The following TRIP11 variants were observed in gnomAD, a reference collection of about 807,000 sequenced individuals.
The protein encoded by TRIP11 is thyroid receptor-interacting protein 11.
TRIP11 carries 148 observed loss-of-function variants against 223.1 expected under a neutral mutation model. That is an observed-to-expected ratio of 0.66 (90% CI 0.58 to 0.76). The LOEUF (loss-of-function observed/expected upper bound fraction) is 0.76, where lower values mean the gene tolerates loss of function less well. Ranked by LOEUF, TRIP11 falls within the 30% of genes least tolerant of loss-of-function variation. TRIP11 has a pLI of 0.00. For synonymous variants in TRIP11, 762 were observed against 772.6 expected, an observed-to-expected ratio of 0.99 and a Z score of 0.23; for missense variants, 2,043 against 2,222.0, an observed-to-expected ratio of 0.92 and a Z score of 1.62.
chr14:92,028,095 T>C (rs2057212880), intron 2 of TRIP11, among the ~76,000 whole-genome samples: 1 of 152,240 alleles, frequency 6.6e-6, no homozygotes, highest in Non-Finnish European at 1.5e-5. Flanking sequence ...CGATATAATA[T>C]ACTGAAGTCA....
At chr14:92,023,908 T>C (rs2057144836) in intron 3 of TRIP11, among the ~76,000 whole-genome samples, 2 of 151,490 alleles carry the variant, frequency 1.3e-5, no homozygotes, top group South Asian at 4.2e-4. Flanking sequence ...CAGGCTAGAA[T>C]GCAGTGGCGT....
chr14:92,034,224 G>A (rs2057299082), intron 1 of TRIP11, among the ~76,000 whole-genome samples: 5 of 152,154 alleles, frequency 3.3e-5, no homozygotes, highest in Admixed American at 3.3e-4. Context: ...GGGAGTTTGA[G>A]ACCAGCCTGG....
intron 2 of TRIP11, among the ~76,000 whole-genome samples, chr14:92,028,897 A>T (rs989454467): frequency 2.0e-5 from 3 of 152,124 alleles, no homozygotes; most frequent in Non-Finnish European, 2.9e-5. Flanking sequence ...AAATCAACTT[A>T]ATTTCTTTTT....
chr14:92,027,907 C>G (rs2057210617), intron 2 of TRIP11, among the ~76,000 whole-genome samples: 1 of 152,178 alleles, frequency 6.6e-6, no homozygotes, highest in Admixed American at 6.5e-5. Context: ...ACAGCATCCA[C>G]AAATCCTAGT....
At position 92,003,984 on chromosome 14, in the gene TRIP11, C is replaced by G; in HGVS notation, c.3992G>C (p.Arg1331Thr). 1.9e-6 allele frequency: 3 copies of G among 1,614,116 alleles called. No individual in the cohort carries two copies. Among genetic ancestry groups the G allele is most frequent in the Non-Finnish European group, 2.5e-6 (3 of 1,180,012 alleles). Reference protein sequence around the residue: ...LLTPQSAECLRASKSEVLSES... With the variant: ...LLTPQSAECLTASKSEVLSES... ...ACTCAATACTTCAGACTTACTTGCT[C>G]TAAGACACTCTGCAGACTGGGGAGT... is the stretch of plus-strand genomic sequence containing the variant. Residue 1331 changes from arginine to threonine, a missense_variant, in exon 11 of 21, where the codon AGA becomes ACA. Arg to Thr is a moderately conservative substitution (Grantham distance 71, BLOSUM62 -1). Transcript: ENST00000267622.
chr14:92,034,561 C>G (rs1333401329), intron 1 of TRIP11, among the ~76,000 whole-genome samples: 1 of 152,160 alleles, frequency 6.6e-6, no homozygotes, highest in Admixed American at 6.6e-5. Flanking sequence ...AAGAAAAATA[C>G]ACTGAGAACA....
At chr14:92,024,186 T>A (rs1415995116) in intron 3 of TRIP11, among the ~76,000 whole-genome samples, 1 of 152,136 alleles carries the variant, frequency 6.6e-6, no homozygotes, top group South Asian at 2.1e-4. Context: ...AAGACCAGCC[T>A]GGCCAACGTG....
chr14:91,969,627 T>C lies in TRIP11; in HGVS notation c.*46A>G. On this transcript the variant is annotated 3_prime_UTR_variant, in exon 21 of 21. Transcript: ENST00000267622. ...GTGATAAAGTACATACATATAGTGT[T>C]CATGGTTTCTTTAAAGTGCTAGATT... The C allele has an allele frequency of 6.3e-7, 1 of 1,586,836 alleles. No individual in the cohort carries two copies. Among genetic ancestry groups the C allele is most frequent in the Non-Finnish European group, 8.6e-7 (1 of 1,156,926 alleles).
chr14:91,966,790 C>T lies in TRIP11; in HGVS notation c.*2883G>A, dbSNP rs74071649. On this transcript the variant is annotated 3_prime_UTR_variant, in exon 21 of 21. Coordinates refer to ENST00000267622, the MANE Select transcript of TRIP11 (RefSeq NM_004239.4). ...CAGTAGTTAGATGAATTTTCTACTA[C>T]AGTATAGAGGTTGAAAACCATTAGG... 2,203 of 215,258 alleles carry T rather than the reference C, an allele frequency of 0.01. 34 individuals carry two copies. The highest frequency in any genetic ancestry group is 0.046 in the African/African-American group (2,027 of 44,350). 13.3% of individuals were successfully genotyped at this position (215,258 alleles called of 1,614,324 possible). A position where few individuals can be genotyped will look rare whatever the true frequency, so the allele number is the denominator to read the frequency against.
rs901667946 is a variant in TRIP11, at chr14:91,967,536, G to C, written c.*2137C>G. ...TTAGCTATGCAATCCACCCACAACA[G>C]CTTTTAAACTTACGTTAAACCATGG... On this transcript the variant is annotated 3_prime_UTR_variant, in exon 21 of 21. Transcript: ENST00000267622. The C allele has an allele frequency of 1.5e-5, 3 of 199,440 alleles. No individual in the cohort carries two copies. Among genetic ancestry groups the C allele is most frequent in the Non-Finnish European group, 1.0e-5 (1 of 96,582 alleles). 12.4% of individuals were successfully genotyped at this position (199,440 alleles called of 1,614,324 possible). A position where few individuals can be genotyped will look rare whatever the true frequency, so the allele number is the denominator to read the frequency against.
chr14:92,016,690 T>C (rs989687762), intron 5 of TRIP11, among the ~76,000 whole-genome samples: 1 of 152,190 alleles, frequency 6.6e-6, no homozygotes, highest in African/African-American at 2.4e-5. Context: ...ACCACTGGGC[T>C]AAGAGCTTTA....
In TRIP11 at chr14:92,004,403, G is replaced by A; in HGVS notation, c.3573C>T (p.Ser1191=). 1 of 1,613,990 alleles carries A rather than the reference G, an allele frequency of 6.2e-7. No individual in the cohort carries two copies. Among genetic ancestry groups the A allele is most frequent in the South Asian group, 1.1e-5 (1 of 91,074 alleles). Residue 1191 remains serine, a synonymous_variant, in exon 11 of 21, where the codon AGC becomes AGT. Coordinates refer to ENST00000267622, the MANE Select transcript of TRIP11 (RefSeq NM_004239.4). ...TAACACCTCCAGCCTCATTACCAGT[G>A]CTGGATGTTTGTAAAACTGCCAATA... The part of the protein sequence containing the change: ...QTLLAVLQTS[S]TGNEAGGVNS...
chr14:91,973,240 G>A lies in TRIP11; in HGVS notation c.5575-379C>T, dbSNP rs546949878. ...GGGGTTTCACCATGTTGGTTAGGCT[G>A]GTCTCAAACTCCTGACCCTGTGATC... On this transcript the variant is annotated intron_variant, in intron 19 of 20. Transcript: ENST00000267622. Among the ~76,000 whole-genome samples the A allele has an allele frequency of 6.6e-5, 10 of 152,178 alleles. No individual in the cohort carries two copies. The East Asian group carries it at 1.7e-3, about 27-fold the overall frequency.
chr14:92,015,056 A>G (rs1257923814), intron 6 of TRIP11, among the ~76,000 whole-genome samples: 1 of 152,060 alleles, frequency 6.6e-6, no homozygotes, highest in Non-Finnish European at 1.5e-5. Context: ...GGCGAGCACC[A>G]CCACGTCCAG....
chr14:92,034,261 A>G (rs2057299573), intron 1 of TRIP11, among the ~76,000 whole-genome samples: 1 of 152,088 alleles, frequency 6.6e-6, no homozygotes, highest in Non-Finnish European at 1.5e-5. Flanking sequence ...CGTCTCTACT[A>G]AAAATACAAA....
chr14:92,040,041 C>T lies in TRIP11; in HGVS notation c.-356G>A. 1 of 415,838 alleles carries T rather than the reference C, an allele frequency of 2.4e-6. No homozygotes were observed. The highest frequency in any genetic ancestry group is 2.4e-5 in the South Asian group (1 of 41,186). The allele number at this position is 415,838 out of a possible 1,614,324, so 25.8% of individuals were successfully genotyped here. A position where few individuals can be genotyped will look rare whatever the true frequency, so the allele number is the denominator to read the frequency against. ...GACGCCGGCCGCCATGACACTCGCT[C>T]GGAAAGCGGCAGCGGATCATAGAAA... On this transcript the variant is annotated 5_prime_UTR_variant, in exon 1 of 21. Transcript: ENST00000267622.
rs192764886 is a variant in TRIP11 at position 92,037,285 on chromosome 14, G to A, written c.139+2262C>T. Among the ~76,000 whole-genome samples the A allele has an allele frequency of 6.6e-6, 1 of 152,314 alleles. No homozygotes were observed. Among genetic ancestry groups the A allele is most frequent in the East Asian group, 1.9e-4 (1 of 5,184 alleles). ...ATTATAACTCAACATGTTAAATGCT[G>A]TCAGGGAGAGATCCACAAAGTTCTG... is the stretch of plus-strand genomic sequence containing the variant. On this transcript the variant is annotated intron_variant, in intron 1 of 20. Transcript: ENST00000267622. This position sits in a 1 kb window ranked among gnomAD's most constrained non-coding sequence, Gnocchi z 4.2.
rs2056499178 is a variant in TRIP11, at chr14:91,978,780, T to C, written c.5261-2591A>G. On this transcript the variant is annotated intron_variant, in intron 16 of 20. Transcript: ENST00000267622. The surrounding 1 kb of genome is among the most constrained non-coding windows in gnomAD (Gnocchi z 4.4). ...TTCCAAAATGTTGGGATTACAAGTG[T>C]GAGCCACTGTGCCTGTCCCTATATA... 6.6e-6 allele frequency among the ~76,000 whole-genome samples: 1 copy of C among 152,170 alleles called. No individual in the cohort carries two copies. Among genetic ancestry groups the C allele is most frequent in the Non-Finnish European group, 1.5e-5 (1 of 68,032 alleles).
At chr14:91,970,118 A>C (rs1294484891) in intron 20 of TRIP11, among the ~76,000 whole-genome samples, 1 of 152,184 alleles carries the variant, frequency 6.6e-6, no homozygotes, top group Admixed American at 6.5e-5. Flanking sequence ...ATTCAAAATG[A>C]AAACGCAGCC....
Sources: gnomAD v4.1 joint callset for allele counts (sites outside exome capture counted in the v4.1 genomes callset) on GRCh38, gnomAD v4.1.1 for gene constraint, Gnocchi (gnomAD v3.1) non-coding constraint, MANE v1.5 for transcripts, NCBI Gene and HGNC (gene_info 2026-07-23, HGNC 2026-07-21) for gene names.